Variants in KCNIP4 observed in about 807,000 individuals in gnomAD.
The protein encoded by KCNIP4 is potassium voltage-gated channel interacting protein 4.
Under a neutral mutation model 34.0 loss-of-function variants are expected in KCNIP4, and 12 were observed. The observed-to-expected ratio is 0.35, with a 90% confidence interval of 0.23 to 0.57. The LOEUF (loss-of-function observed/expected upper bound fraction) is 0.57. KCNIP4 is among the 20% of genes least tolerant of loss of function. KCNIP4 has a pLI of 0.83. For synonymous variants in KCNIP4, 124 were observed against 102.2 expected (o/e 1.21, Z -1.29); for missense variants, 238 against 311.7 (o/e 0.76, Z 1.78).
chr4:21,149,603 G>GA (rs937384752), intron 1 of KCNIP4, among the ~76,000 whole-genome samples: 1 of 151,906 alleles, frequency 6.6e-6, no homozygotes, highest in African/African-American at 2.4e-5. Context: ...GGCGAGACCA[G>GA]AAAAAAAATT....
At chr4:20,839,368 A>G (rs550513784) in intron 3 of KCNIP4, among the ~76,000 whole-genome samples, 4 of 151,770 alleles carry the variant, frequency 2.6e-5, no homozygotes, top group Non-Finnish European at 5.9e-5. Flanking sequence ...GCAAATATCT[A>G]CCTATAGACA....
intron 1 of KCNIP4, among the ~76,000 whole-genome samples, chr4:21,535,409 T>C (rs1215648408): frequency 1.3e-5 from 2 of 152,162 alleles, no homozygotes; most frequent in Non-Finnish European, 2.9e-5. Flanking sequence ...CTGAGGATAC[T>C]TCCCGGTAAG....
intron 1 of KCNIP4, among the ~76,000 whole-genome samples, chr4:21,045,856 A>G (rs985951766): frequency 6.6e-6 from 1 of 152,236 alleles, no homozygotes; most frequent in African/African-American, 2.4e-5. Context: ...CATTTCATGA[A>G]TAATGAAATA....
At chr4:20,979,484 C>T (rs1347306770) in intron 1 of KCNIP4, among the ~76,000 whole-genome samples, 5 of 151,264 alleles carry the variant, frequency 3.3e-5, no homozygotes, top group Admixed American at 2.6e-4. Context: ...CTGCAAGCTC[C>T]GCCTCCCGGG....
intron 1 of KCNIP4, among the ~76,000 whole-genome samples, chr4:21,301,297 A>ATATT (rs1364736319): frequency 2.0e-5 from 3 of 152,188 alleles, no homozygotes; most frequent in Non-Finnish European, 2.9e-5. Flanking sequence ...TACAAATGTC[A>ATATT]TATTTTATAT....
intron 1 of KCNIP4, among the ~76,000 whole-genome samples, chr4:21,020,128 C>T (rs573640620): frequency 6.6e-6 from 1 of 152,114 alleles, no homozygotes; most frequent in South Asian, 2.1e-4. Context: ...AGGTATAATA[C>T]TTATCTAGCC....
chr4:20,905,505 C>CTTTTTTTTTTTTTTTT (rs1182454951), intron 1 of KCNIP4, among the ~76,000 whole-genome samples: 3 of 37,068 alleles, frequency 8.1e-5, no homozygotes, highest in Admixed American at 3.7e-4. Flanking sequence ...TGAACGTTTT[C>CTTTTTTTTTTTTTTTT]TTTCTTTTTT....
At chr4:21,812,730 A>G (rs1721735306) in intron 1 of KCNIP4, among the ~76,000 whole-genome samples, 1 of 152,020 alleles carries the variant, frequency 6.6e-6, no homozygotes, top group Non-Finnish European at 1.5e-5. Flanking sequence ...AAGAACACAC[A>G]AAGATCATAC....
rs375854539 is a variant in KCNIP4 at position 21,181,948 on chromosome 4, A to G, written c.62-299239T>C. 1.8e-4 allele frequency among the ~76,000 whole-genome samples: 28 copies of G among 152,278 alleles called. 1 individual carries two copies. The South Asian group carries it at 2.7e-3, about 15-fold the overall frequency. On this transcript the variant is annotated intron_variant, in intron 1 of 8. Coordinates refer to ENST00000382152, the MANE Select transcript of KCNIP4 (RefSeq NM_025221.6). ...TTTACTAAAATGCCAAACAGTCTCC[A>G]GTTTCTACCAATAAAACATGACTTC... is the stretch of plus-strand genomic sequence containing the variant.
intron 1 of KCNIP4, among the ~76,000 whole-genome samples, chr4:20,989,787 G>A (rs1736918420): frequency 6.6e-6 from 1 of 152,084 alleles, no homozygotes; most frequent in Non-Finnish European, 1.5e-5. Context: ...CGGGCAACAT[G>A]GAGAAACCCT....
intron 1 of KCNIP4, among the ~76,000 whole-genome samples, chr4:21,703,754 T>C (rs1713048785): frequency 6.6e-6 from 1 of 152,092 alleles, no homozygotes; most frequent in Admixed American, 6.6e-5. Context: ...ATGATTTAAA[T>C]AAAACATAGT....
intron 1 of KCNIP4, among the ~76,000 whole-genome samples, chr4:21,265,099 A>AAAT (rs35177944): frequency 0.041 from 6,139 of 151,012 alleles, 366 homozygotes; most frequent in East Asian, 0.14. Flanking sequence ...ACTCTGCCTC[A>AAAT]AATAATAATA....
chr4:20,736,487 G>A (rs1026125010), intron 5 of KCNIP4, among the ~76,000 whole-genome samples: 3 of 152,080 alleles, frequency 2.0e-5, no homozygotes, highest in African/African-American at 7.2e-5. Context: ...TCAATTTGCT[G>A]ACATACGTTG....
At chr4:21,143,459 T>C (rs776269509) in intron 1 of KCNIP4, among the ~76,000 whole-genome samples, 7 of 152,122 alleles carry the variant, frequency 4.6e-5, no homozygotes, top group Non-Finnish European at 1.0e-4. Context: ...CTGAATGAGC[T>C]TGGAAGGAGA....
intron 1 of KCNIP4, among the ~76,000 whole-genome samples, chr4:21,605,378 T>C (rs986921708): frequency 2.0e-5 from 3 of 152,354 alleles, no homozygotes; most frequent in Non-Finnish European, 2.9e-5. Flanking sequence ...TGAGTCCTTA[T>C]TGAGGATCAT....
chr4:21,871,482 GTCCTT>G (rs1725807696), intron 1 of KCNIP4, among the ~76,000 whole-genome samples: 1 of 151,642 alleles, frequency 6.6e-6, no homozygotes, highest in African/African-American at 2.4e-5. Context: ...ATGAGTTAAT[GTCCTT>G]TGTAGGGACA....
intron 1 of KCNIP4, among the ~76,000 whole-genome samples, chr4:21,636,971 T>C (rs981014260): frequency 6.6e-6 from 1 of 152,278 alleles, no homozygotes; most frequent in East Asian, 1.9e-4. Context: ...TAATAATAGT[T>C]GTTGCCTGTT....
At chr4:20,918,682 AC>A (rs934393450) in intron 1 of KCNIP4, among the ~76,000 whole-genome samples, 1 of 152,144 alleles carries the variant, frequency 6.6e-6, no homozygotes, top group Admixed American at 6.5e-5. Context: ...GAGTGGTCTC[AC>A]CCTGCCCTCT....
chr4:20,906,818 T>C (rs900105278), intron 1 of KCNIP4, among the ~76,000 whole-genome samples: 5 of 152,162 alleles, frequency 3.3e-5, no homozygotes, highest in African/African-American at 1.2e-4. Flanking sequence ...CATGGATGTA[T>C]GGAATGAAGA....
Sources: allele counts gnomAD v4.1 joint callset (sites outside exome capture counted in the v4.1 genomes callset), GRCh38; gene constraint gnomAD v4.1.1; transcripts MANE v1.5; gene names NCBI Gene and HGNC (gene_info 2026-07-23, HGNC 2026-07-21).